Variants in SIPA1L1 observed in about 807,000 individuals in gnomAD.
SIPA1L1 encodes signal-induced proliferation-associated 1-like protein 1.
SIPA1L1 carries 26 observed loss-of-function variants against 162.7 expected under a neutral mutation model. The ratio of observed to expected loss-of-function variants is 0.16; its 90% CI spans 0.12 to 0.22. SIPA1L1 has a LOEUF of 0.22. Ranked by LOEUF, SIPA1L1 falls within the 10% of genes least tolerant of loss-of-function variation. SIPA1L1 has a pLI of 1.00. For synonymous variants in SIPA1L1, 829 were observed against 837.4 expected, an observed-to-expected ratio of 0.99 and a Z score of 0.17; for missense variants, 1,874 against 2,241.0, an observed-to-expected ratio of 0.84 and a Z score of 3.31.
chr14:71,521,527 T>C (rs1022726067), intron 3 of SIPA1L1, among the ~76,000 whole-genome samples: 1 of 152,194 alleles, frequency 6.6e-6, no homozygotes, highest in Non-Finnish European at 1.5e-5. Flanking sequence ...GCTAGAGAAT[T>C]CTTTTATGGC....
At chr14:71,503,582 G>T (rs1188956475) in intron 2 of SIPA1L1, among the ~76,000 whole-genome samples, 1 of 152,016 alleles carries the variant, frequency 6.6e-6, no homozygotes, top group Non-Finnish European at 1.5e-5. Flanking sequence ...CGCTGTAAAT[G>T]TTTCACATAT....
rs1028053703 is a variant in SIPA1L1 at position 71,377,339 on chromosome 14, C to T, written c.-465+56158C>T. 5.3e-5 allele frequency among the ~76,000 whole-genome samples: 8 copies of T among 150,588 alleles called. No individual in the cohort carries two copies. The highest frequency in any genetic ancestry group is 2.1e-4 in the South Asian group (1 of 4,754). ...TGGAGGGGCTCCTCAACTTCTCAGA[C>T]GGGGCGGCCGGGCGGAGGCACTCCT... On this transcript the variant is annotated intron_variant, in intron 2 of 23. Transcript: ENST00000381232. The surrounding 1 kb of genome is among the most constrained non-coding windows in gnomAD (Gnocchi z 4.8).
At chr14:71,601,815 G>A (rs925132780) in intron 5 of SIPA1L1, among the ~76,000 whole-genome samples, 4 of 151,978 alleles carry the variant, frequency 2.6e-5, no homozygotes, top group Non-Finnish European at 5.9e-5. Context: ...ATCTTGATAG[G>A]TTGTATGTGT....
intron 4 of SIPA1L1, among the ~76,000 whole-genome samples, chr14:71,557,884 T>C (rs2056475861): frequency 6.6e-6 from 1 of 152,198 alleles, no homozygotes; most frequent in African/African-American, 2.4e-5. Context: ...TATAAATCCA[T>C]TGAAGTGAAA....
chr14:71,484,390 A>G (rs1471309408), intron 2 of SIPA1L1, among the ~76,000 whole-genome samples: 2 of 151,226 alleles, frequency 1.3e-5, no homozygotes, highest in East Asian at 3.9e-4. Context: ...AAAACCCTTT[A>G]AGTAATTAGC....
At chr14:71,703,507 C>T (rs2082234474) in intron 15 of SIPA1L1, among the ~76,000 whole-genome samples, 1 of 152,190 alleles carries the variant, frequency 6.6e-6, no homozygotes, top group Non-Finnish European at 1.5e-5. Flanking sequence ...CCAGTAGCTT[C>T]AGTGAGATGT....
intron 13 of SIPA1L1, among the ~76,000 whole-genome samples, chr14:71,691,420 C>T (rs556939116): frequency 4.6e-5 from 7 of 152,050 alleles, no homozygotes; most frequent in South Asian, 2.1e-4. Flanking sequence ...AGTGAGACCC[C>T]GTATCTACAA....
chr14:71,703,703 G>A (rs909131118), intron 15 of SIPA1L1, among the ~76,000 whole-genome samples: 9 of 152,210 alleles, frequency 5.9e-5, no homozygotes, highest in Non-Finnish European at 1.2e-4. Context: ...TGACTTTAGC[G>A]GCTTTTTTTG....
chr14:71,455,457 CA>C (rs2046122346), intron 2 of SIPA1L1, among the ~76,000 whole-genome samples: 1 of 152,020 alleles, frequency 6.6e-6, no homozygotes, highest in African/African-American at 2.4e-5. Flanking sequence ...GATCACGAGA[CA>C]AAATTCCTAA....
At chr14:71,330,549 T>A in intron 2 of SIPA1L1, 1 of 1,386,216 alleles carries the variant, frequency 7.2e-7, no homozygotes, top group Non-Finnish European at 1.0e-6. Context: ...TGAAGATGCC[T>A]AGCTGGGAGG....
At chr14:71,460,344 C>T (rs995944008) in intron 2 of SIPA1L1, among the ~76,000 whole-genome samples, 1 of 152,142 alleles carries the variant, frequency 6.6e-6, no homozygotes, top group Non-Finnish European at 1.5e-5. Context: ...CATTTGTAGT[C>T]CTGTCTGGAT....
At position 71,533,552 on chromosome 14, in the gene SIPA1L1, G is replaced by A. The variant is rs184726472; in HGVS notation, c.-303+4182G>A. 6.9e-3 allele frequency among the ~76,000 whole-genome samples: 1,045 copies of A among 152,296 alleles called. 8 individuals are homozygous for A. The highest frequency in any genetic ancestry group is 0.011 in the Non-Finnish European group (741 of 68,022). On this transcript the variant is annotated intron_variant, in intron 4 of 23. Coordinates refer to ENST00000381232, the MANE Select transcript of SIPA1L1 (RefSeq NM_001386936.1). Reference sequence around the variant, plus strand: ...GTGAGCAGGCATCTCAGAGGAATGCGTCTTTGGCAGTAAGTAGAAGAAAGC... The same window carrying A: ...GTGAGCAGGCATCTCAGAGGAATGCATCTTTGGCAGTAAGTAGAAGAAAGC...
At chr14:71,670,150 TC>T (rs2149354844) in intron 10 of SIPA1L1, among the ~76,000 whole-genome samples, 1 of 152,342 alleles carries the variant, frequency 6.6e-6, no homozygotes, top group Admixed American at 6.5e-5. Context: ...TCCAGTCATG[TC>T]AAACTTTACT....
intron 5 of SIPA1L1, among the ~76,000 whole-genome samples, chr14:71,613,059 T>TC (rs2038407690): frequency 6.6e-6 from 1 of 152,066 alleles, no homozygotes; most frequent in Non-Finnish European, 1.5e-5. Context: ...TGTTAATCTC[T>TC]CCCCCTTTCA....
intron 2 of SIPA1L1, among the ~76,000 whole-genome samples, chr14:71,509,065 A>T (rs1192006786): frequency 6.6e-6 from 1 of 152,138 alleles, no homozygotes; most frequent in Non-Finnish European, 1.5e-5. Context: ...TTATTCCTGG[A>T]TTCTGCTAGG....
At chr14:71,405,106 G>A (rs2041948865) in intron 2 of SIPA1L1, among the ~76,000 whole-genome samples, 1 of 152,212 alleles carries the variant, frequency 6.6e-6, no homozygotes, top group Non-Finnish European at 1.5e-5. Flanking sequence ...CATAGTAGGT[G>A]CTCAGTAAAT....
At chr14:71,450,904 A>G (rs989674816) in intron 2 of SIPA1L1, among the ~76,000 whole-genome samples, 2 of 152,334 alleles carry the variant, frequency 1.3e-5, no homozygotes, top group African/African-American at 4.8e-5. Context: ...GCTGCTGGGT[A>G]TATATCCAAA....
Position 71,377,135 on chromosome 14 carries a change from C to CCG in SIPA1L1, c.-465+55954_-465+55955insCG, listed in dbSNP as rs1256529006. Reference sequence around the variant, plus strand: ...CGGGCAGAGGGGCCCCCCCACCCCCCAGATGGGGCGGCCAGGCAGAGGCAG... The same window carrying CCG: ...CGGGCAGAGGGGCCCCCCCACCCCCCCGAGATGGGGCGGCCAGGCAGAGGCAG... On this transcript the variant is annotated intron_variant, in intron 2 of 23. Transcript: ENST00000381232. The surrounding 1 kb of genome is among the most constrained non-coding windows in gnomAD (Gnocchi z 4.8). 6.7e-6 allele frequency among the ~76,000 whole-genome samples: 1 copy of CCG among 148,206 alleles called. No homozygotes were observed. The highest frequency in any genetic ancestry group is 2.5e-5 in the African/African-American group (1 of 39,940).
intron 3 of SIPA1L1, among the ~76,000 whole-genome samples, chr14:71,521,854 G>A (rs535122291): frequency 3.5e-4 from 53 of 152,304 alleles, no homozygotes; most frequent in African/African-American, 1.3e-3. Context: ...TGGGTAGGTA[G>A]TAGTACCACA....
Sources: gnomAD v4.1 joint callset for allele counts (sites outside exome capture counted in the v4.1 genomes callset) on GRCh38, gnomAD v4.1.1 for gene constraint, Gnocchi (gnomAD v3.1) non-coding constraint, MANE v1.5 for transcripts, NCBI Gene and HGNC (gene_info 2026-07-23, HGNC 2026-07-21) for gene names.